The following UNKL variants were observed in gnomAD, a reference collection of about 807,000 sequenced individuals.
UNKL encodes putative E3 ubiquitin-protein ligase UNKL.
Under a neutral mutation model 78.0 loss-of-function variants are expected in UNKL, and 60 were observed. The observed-to-expected ratio is 0.77, with a 90% CI of 0.63 to 0.95. The LOEUF is 0.95. Ranked by LOEUF, UNKL falls within the 40% of genes least tolerant of loss-of-function variation. The probability of loss-of-function intolerance (pLI) is 0.00; values close to 1 mark genes in which losing one functional copy is unlikely to be tolerated. For missense variants in UNKL, 1,159 were observed against 1,045.7 expected (o/e 1.11, Z -1.49); for synonymous variants, 608 against 474.8 (o/e 1.28, Z -3.65).
intron 9 of UNKL, among the ~76,000 whole-genome samples, chr16:1,386,567 G>C (rs1193106928): frequency 6.6e-6 from 1 of 152,036 alleles, no homozygotes; most frequent in Non-Finnish European, 1.5e-5. Context: ...AAAATGAATT[G>C]CATCCTGAAA....
At chr16:1,393,444 G>A (rs1386938914) in intron 7 of UNKL, among the ~76,000 whole-genome samples, 1 of 151,936 alleles carries the variant, frequency 6.6e-6, no homozygotes, top group Non-Finnish European at 1.5e-5. Context: ...ACTGCAGCGT[G>A]GAGGAGGCCG....
chr16:1,368,482 G>C (rs1010024804), intron 12 of UNKL, among the ~76,000 whole-genome samples: 8 of 151,570 alleles, frequency 5.3e-5, no homozygotes, highest in Non-Finnish European at 1.0e-4. Flanking sequence ...GGCGCCTGTA[G>C]TCCCAGCTAC....
In UNKL at chr16:1,385,300, C is replaced by T; in HGVS notation, c.1172G>A (p.Gly391Asp). ...CGCAGTGGGGGAGGAGCTGCCGGAGCCGGCGCTGGACGCCAGGCTGGACGC... is the reference window on the plus strand; with the variant it reads ...CGCAGTGGGGGAGGAGCTGCCGGAGTCGGCGCTGGACGCCAGGCTGGACGC... The part of the protein sequence containing the change: ...SVASSLASSA[G>D]SGSSSPTALP... The change falls in exon 10 of 15, where the codon GGC becomes GAC. Residue 391 changes from glycine to aspartate, a missense_variant. Gly to Asp is a moderately conservative substitution (Grantham distance 94). Transcript: ENST00000389221. 1 of 1,381,602 alleles carries T rather than the reference C, an allele frequency of 7.2e-7. No homozygotes were observed. Among genetic ancestry groups the T allele is most frequent in the Non-Finnish European group, 9.3e-7 (1 of 1,073,008 alleles). The allele number at this position is 1,381,602 out of a possible 1,614,324, so 85.6% of individuals were successfully genotyped here.
intron 13 of UNKL, 89 bp from the exon 14 acceptor site, chr16:1,367,438 C>A: frequency 6.8e-7 from 1 of 1,466,182 alleles, no homozygotes; most frequent in Non-Finnish European, 9.1e-7. Flanking sequence ...TCCTCCCCTC[C>A]CCTCCCCAGC....
chr16:1,366,977 G>T lies in UNKL; in HGVS notation c.2046+115C>A, dbSNP rs978810825. On this transcript the variant is annotated intron_variant, in intron 14 of 14. Transcript: ENST00000389221. ...CCGTCTCCTCCTCCCTAGGCCCGGA[G>T]CAGACCCTGGGGCAGGGGAGGAAGG... is the stretch of plus-strand genomic sequence containing the variant. 1.5e-5 allele frequency: 22 copies of T among 1,429,722 alleles called. No homozygotes were observed. The African/African-American group carries it at 3.2e-4, about 21-fold the overall frequency. 88.6% of individuals were successfully genotyped at this position (1,429,722 alleles called of 1,614,324 possible).
intron 1 of UNKL, among the ~76,000 whole-genome samples, chr16:1,414,366 C>T (rs2038183228): frequency 6.6e-6 from 1 of 152,068 alleles, no homozygotes; most frequent in African/African-American, 2.4e-5. Context: ...GGCGCAACCC[C>T]CAACCCCGGG....
rs1039733247 is a variant in UNKL at position 1,399,247 on chromosome 16, C to T, written c.734+127G>A. ...GCCACTGTGCTTGGAGATGCCCTCC[C>T]CTCCCGGGGATGATGGTGCCACAAG... is the stretch of plus-strand genomic sequence containing the variant. On this transcript the variant is annotated intron_variant, in intron 5 of 14. Transcript: ENST00000389221. The surrounding 1 kb of genome is among the most constrained non-coding windows in gnomAD (Gnocchi z 5.8). 8.6e-6 allele frequency: 12 copies of T among 1,396,958 alleles called. No individual in the cohort carries two copies. The highest frequency in any genetic ancestry group is 1.0e-5 in the Non-Finnish European group (11 of 1,067,310). The allele number at this position is 1,396,958 out of a possible 1,614,324, so 86.5% of individuals were successfully genotyped here. A position where few individuals can be genotyped will look rare whatever the true frequency, so the allele number is the denominator to read the frequency against.
At chr16:1,393,738 C>T (rs541932263) in intron 7 of UNKL, among the ~76,000 whole-genome samples, 158 of 152,288 alleles carry the variant, frequency 1.0e-3, no homozygotes, top group African/African-American at 3.2e-3. Flanking sequence ...TGGGTGGGTG[C>T]CTGGCAAGAT....
At position 1,363,285 on chromosome 16, in the gene UNKL, G is replaced by A; in HGVS notation, c.*2955C>T. 3.3e-6 allele frequency: 2 copies of A among 611,622 alleles called. No individual in the cohort carries two copies. The highest frequency in any genetic ancestry group is 3.7e-5 in the South Asian group (2 of 54,544). The allele number at this position is 611,622 out of a possible 1,614,324, so 37.9% of individuals were successfully genotyped here. A position where few individuals can be genotyped will look rare whatever the true frequency, so the allele number is the denominator to read the frequency against. ...TGTAAACCATTGCATAAATGCTATA[G>A]TGTAAAAAAATTTAAACAAGTGTTA... On this transcript the variant is annotated 3_prime_UTR_variant, in exon 15 of 15. Coordinates refer to ENST00000389221, the MANE Select transcript of UNKL (RefSeq NM_001372107.1).
intron 10 of UNKL, among the ~76,000 whole-genome samples, chr16:1,378,701 G>C (rs115307354): frequency 0.012 from 1,759 of 152,250 alleles, 38 homozygotes; most frequent in African/African-American, 0.038. Context: ...GCCTGGAGAG[G>C]GGACGTTCAG....
intron 11 of UNKL, 64 bp from the exon 12 acceptor site, chr16:1,370,421 G>A (rs1023289083): frequency 1.8e-5 from 28 of 1,515,560 alleles, no homozygotes; most frequent in African/African-American, 2.8e-5. Context: ...CATCTGCCAT[G>A]GGCGGCAGCC....
At chr16:1,400,076 A>C (rs1377871814) in intron 4 of UNKL, among the ~76,000 whole-genome samples, 1 of 151,996 alleles carries the variant, frequency 6.6e-6, no homozygotes, top group African/African-American at 2.4e-5. Context: ...TTTTCTACTC[A>C]GTTTTGCTGT....
intron 9 of UNKL, among the ~76,000 whole-genome samples, chr16:1,388,671 G>A (rs888437725): frequency 2.6e-5 from 4 of 152,170 alleles, no homozygotes; most frequent in Non-Finnish European, 5.9e-5. Flanking sequence ...CCACATGAGG[G>A]ATGGGCACAG....
chr16:1,398,642 G>C, intron 5 of UNKL: 6 of 1,439,310 alleles, frequency 4.2e-6, no homozygotes, highest in Non-Finnish European at 5.5e-6. Context: ...GGGAGGCCAA[G>C]GCCATGGCCC....
At chr16:1,402,949 G>A (rs1047323473) in intron 3 of UNKL, among the ~76,000 whole-genome samples, 5 of 152,124 alleles carry the variant, frequency 3.3e-5, no homozygotes, top group Admixed American at 6.6e-5. Flanking sequence ...CTGAGATCGC[G>A]CCGCTGCACT....
chr16:1,386,785 C>A (rs1388774375), intron 9 of UNKL, among the ~76,000 whole-genome samples: 1 of 152,140 alleles, frequency 6.6e-6, no homozygotes, highest in African/African-American at 2.4e-5. Flanking sequence ...GTCCTGCTGC[C>A]TGCCCTGGCT....
At chr16:1,414,165 G>A in intron 1 of UNKL, 110 bp from the exon 2 acceptor site, 1 of 1,110,002 alleles carries the variant, frequency 9.0e-7, no homozygotes, top group Non-Finnish European at 1.3e-6. Context: ...GGGTCGACCC[G>A]TACTCACATT....
intron 6 of UNKL, among the ~76,000 whole-genome samples, chr16:1,395,165 ATT>A (rs35706255): frequency 9.8e-4 from 103 of 105,532 alleles, no homozygotes; most frequent in Non-Finnish European, 1.4e-3. Context: ...CGGTCTGTTC[ATT>A]TTTTTTTTTT....
chr16:1,399,825 TG>T lies in UNKL; in HGVS notation c.599-317del, dbSNP rs1266091639. ...TGCTGTGGGTGTGCGGCTTCCTTGCTGGGGGATGAAAATGTTCTCCAACTAG... is the reference window on the plus strand; with the variant it reads ...TGCTGTGGGTGTGCGGCTTCCTTGCTGGGGATGAAAATGTTCTCCAACTAG... On this transcript the variant is annotated intron_variant, in intron 4 of 14. Transcript: ENST00000389221. The surrounding 1 kb of genome is among the most constrained non-coding windows in gnomAD (Gnocchi z 5.8). Among the ~76,000 whole-genome samples, 1 of 152,036 alleles carries T rather than the reference TG, an allele frequency of 6.6e-6. No individual in the cohort carries two copies. Among genetic ancestry groups the T allele is most frequent in the Non-Finnish European group, 1.5e-5 (1 of 67,996 alleles).
Sources: allele counts gnomAD v4.1 joint callset (sites outside exome capture counted in the v4.1 genomes callset), GRCh38; gene constraint gnomAD v4.1.1; non-coding constraint Gnocchi (gnomAD v3.1); transcripts MANE v1.5; gene names NCBI Gene and HGNC (gene_info 2026-07-23, HGNC 2026-07-21).